The following FAM216B variants were observed in gnomAD, a reference collection of about 807,000 sequenced individuals.
FAM216B encodes the protein protein FAM216B.
Under a neutral mutation model 12.9 loss-of-function variants are expected in FAM216B, and 11 were observed. The observed-to-expected ratio is 0.86, with a 90% CI of 0.54 to 1.42. FAM216B has a LOEUF of 1.42. Among genes scored for constraint, FAM216B ranks in the 40% most tolerant of loss-of-function variants. The pLI is 0.00. For synonymous variants in FAM216B, 52 were observed against 57.2 expected (o/e 0.91, Z 0.41); for missense variants, 167 against 162.9 (o/e 1.02, Z -0.14).
chr13:42,784,906 A>T (rs1308820063), intron 2 of FAM216B, among the ~76,000 whole-genome samples: 1 of 152,062 alleles, frequency 6.6e-6, no homozygotes, highest in Non-Finnish European at 1.5e-5. Flanking sequence ...TCAAGGAAGG[A>T]TCAACAACAA....
Position 42,790,833 on chromosome 13 carries a change from T to A in FAM216B, c.*2043T>A, listed in dbSNP as rs1874289050. The A allele has an allele frequency of 6.6e-6, 1 of 152,228 alleles. No individual in the cohort carries two copies. Among genetic ancestry groups the A allele is most frequent in the Non-Finnish European group, 1.5e-5 (1 of 68,028 alleles). 9.4% of individuals were successfully genotyped at this position (152,228 alleles called of 1,614,324 possible). On this transcript the variant is annotated 3_prime_UTR_variant, in exon 4 of 4. Transcript: ENST00000313851. ...TGTTTCACCTGAAATTGCTAGCACC[T>A]AGAATGGCCCCCGGTTGCGGTAGGC...
chr13:42,788,703 C>A lies in FAM216B; in HGVS notation c.333C>A (p.Ala111=), dbSNP rs771532738. The change falls in exon 4 of 4, where the codon GCC becomes GCA. Residue 111 remains alanine, a synonymous_variant. Transcript: ENST00000313851. ...PQRTIPRKTS[A]MTRRCPSVLP... is the part of the protein sequence containing the mutation. ...GAACCATTCCCCGGAAAACTTCAGC[C>A]ATGACAAGAAGATGTCCATCAGTAC... 6.2e-7 allele frequency: 1 copy of A among 1,613,920 alleles called. No homozygotes were observed. Among genetic ancestry groups the A allele is most frequent in the Non-Finnish European group, 8.5e-7 (1 of 1,179,860 alleles).
rs944364327 is a variant in FAM216B at position 42,789,693 on chromosome 13, T to C, written c.*903T>C. The C allele has an allele frequency of 2.0e-5, 3 of 151,632 alleles. No homozygotes were observed. The highest frequency in any genetic ancestry group is 4.9e-5 in the African/African-American group (2 of 41,168). 9.4% of individuals were successfully genotyped at this position (151,632 alleles called of 1,614,324 possible). A position where few individuals can be genotyped will look rare whatever the true frequency, so the allele number is the denominator to read the frequency against. ...GTTAAAAATCAGTCACCAGTGCTCA[T>C]GTAAAGTCAAAACAAAAAAATGCTT... is the stretch of plus-strand genomic sequence containing the variant. On this transcript the variant is annotated 3_prime_UTR_variant, in exon 4 of 4. Transcript: ENST00000313851.
Position 42,786,789 on chromosome 13 carries a change from C to T in FAM216B, c.126C>T (p.Tyr42=). 6.2e-7 allele frequency: 1 copy of T among 1,614,026 alleles called. No homozygotes were observed. Among genetic ancestry groups the T allele is most frequent in the Non-Finnish European group, 8.5e-7 (1 of 1,179,954 alleles). ...LKALNQGQQR[Y]FYSIMRIYNS... ...CCCTCAACCAAGGGCAACAGCGCTA[C>T]TTTTACAGCATTATGAGGATTTACA... The change falls in exon 3 of 4, where the codon TAC becomes TAT. Residue 42 remains tyrosine, a synonymous_variant. Transcript: ENST00000313851.
rs202087551 is a variant in FAM216B at position 42,786,866 on chromosome 13, A to G, written c.203A>G (p.Gln68Arg). The change falls in exon 3 of 4, where the codon CAG (glutamine) becomes CGG (arginine). Residue 68 changes from glutamine to arginine, a missense_variant. Coordinates refer to ENST00000313851, the MANE Select transcript of FAM216B (RefSeq NM_001318932.2). ...CAGACCCGCTACATTCACAGCCTTC[A>G]GCACCAACAGCTGCTTGGTAAGTTT... ...ALQTRYIHSLQHQQLLGYITQ... is the reference protein window; with the variant it reads ...ALQTRYIHSLRHQQLLGYITQ... 1.5e-5 allele frequency: 24 copies of G among 1,613,968 alleles called. No homozygotes were observed. Among genetic ancestry groups the G allele is most frequent in the Non-Finnish European group, 1.9e-5 (23 of 1,179,872 alleles).
In FAM216B at chr13:42,789,816, T is replaced by G. The variant is rs1874251488; in HGVS notation, c.*1026T>G. ...GAATATAAATTTTATTGACAAGGGA[T>G]GTGCTAACATTGATCTGAAAGGAAT... On this transcript the variant is annotated 3_prime_UTR_variant, in exon 4 of 4. Coordinates refer to ENST00000313851, the MANE Select transcript of FAM216B (RefSeq NM_001318932.2). 1 of 152,186 alleles carries G rather than the reference T, an allele frequency of 6.6e-6. No homozygotes were observed. Among genetic ancestry groups the G allele is most frequent in the Admixed American group, 6.5e-5 (1 of 15,278 alleles). 9.4% of individuals were successfully genotyped at this position (152,186 alleles called of 1,614,324 possible). A position where few individuals can be genotyped will look rare whatever the true frequency, so the allele number is the denominator to read the frequency against.
In FAM216B at chr13:42,790,620, G is replaced by A. The variant is rs1333031716; in HGVS notation, c.*1830G>A. ...CTTGAAACTTAAAGAAATGTGATTG[G>A]TTATGGTGCTGGGAGAAAGGGGTGC... On this transcript the variant is annotated 3_prime_UTR_variant, in exon 4 of 4. Transcript: ENST00000313851. 6.6e-6 allele frequency: 1 copy of A among 152,104 alleles called. No individual in the cohort carries two copies. The highest frequency in any genetic ancestry group is 2.4e-5 in the African/African-American group (1 of 41,406). The allele number at this position is 152,104 out of a possible 1,614,324, so 9.4% of individuals were successfully genotyped here.
intron 3 of FAM216B, among the ~76,000 whole-genome samples, chr13:42,787,493 C>T (rs751230712): frequency 6.6e-6 from 1 of 152,200 alleles, no homozygotes; most frequent in Non-Finnish European, 1.5e-5. Context: ...CTTTCAACCT[C>T]TTTAGATTTT....
intron 3 of FAM216B, among the ~76,000 whole-genome samples, chr13:42,787,857 A>G (rs1352517164): frequency 2.6e-5 from 4 of 152,236 alleles, no homozygotes; most frequent in African/African-American, 7.2e-5. Flanking sequence ...TTAACACTCA[A>G]ACACCTGTAT....
rs1873857271 is a variant in FAM216B at position 42,781,588 on chromosome 13, T to C, written c.-91T>C. On this transcript the variant is annotated 5_prime_UTR_variant, in exon 1 of 4. Coordinates refer to ENST00000313851, the MANE Select transcript of FAM216B (RefSeq NM_001318932.2). ...CAGACTTCCACCACCACCACCAGCA[T>C]ATAAACAGAGTCCGCGTAAGAAAAC... 6.6e-6 allele frequency: 1 copy of C among 152,192 alleles called. No individual in the cohort carries two copies. The highest frequency in any genetic ancestry group is 1.5e-5 in the Non-Finnish European group (1 of 68,036). The allele number at this position is 152,192 out of a possible 1,614,324, so 9.4% of individuals were successfully genotyped here.
rs1438478626 is a variant in FAM216B, at chr13:42,790,449, G to A, written c.*1659G>A. 3 of 152,070 alleles carry A rather than the reference G, an allele frequency of 2.0e-5. No homozygotes were observed. Among genetic ancestry groups the A allele is most frequent in the Non-Finnish European group, 4.4e-5 (3 of 68,008 alleles). The allele number at this position is 152,070 out of a possible 1,614,324, so 9.4% of individuals were successfully genotyped here. ...GTATCAAAAATCTCAGAAGCACCTTGCATCTGATAGAGGCTTGTAAGAGCA... is the reference window on the plus strand; with the variant it reads ...GTATCAAAAATCTCAGAAGCACCTTACATCTGATAGAGGCTTGTAAGAGCA... On this transcript the variant is annotated 3_prime_UTR_variant, in exon 4 of 4. Transcript: ENST00000313851.
In FAM216B at chr13:42,789,563, TGA is replaced by T. The variant is rs1444724232; in HGVS notation, c.*775_*776del. 3 of 152,158 alleles carry T rather than the reference TGA, an allele frequency of 2.0e-5. No homozygotes were observed. The highest frequency in any genetic ancestry group is 6.6e-5 in the Admixed American group (1 of 15,264). The allele number at this position is 152,158 out of a possible 1,614,324, so 9.4% of individuals were successfully genotyped here. On this transcript the variant is annotated 3_prime_UTR_variant, in exon 4 of 4. Coordinates refer to ENST00000313851, the MANE Select transcript of FAM216B (RefSeq NM_001318932.2). ...AAGCACATAAAACTATACTAAGCAGTGAGTCAGTTCATCATACAAAGGCATAG... is the reference window on the plus strand; with the variant it reads ...AAGCACATAAAACTATACTAAGCAGTGTCAGTTCATCATACAAAGGCATAG...
chr13:42,784,882 TC>T (rs996884745), intron 2 of FAM216B, among the ~76,000 whole-genome samples: 1 of 151,592 alleles, frequency 6.6e-6, no homozygotes, highest in Non-Finnish European at 1.5e-5. Flanking sequence ...AATTTTCAGT[TC>T]TCTCCCAAAC....
At position 42,788,719 on chromosome 13, in the gene FAM216B, CCATCAGTA is replaced by C; in HGVS notation, c.351_358del (p.Ser118ThrfsTer8). ...AACTTCAGCCATGACAAGAAGATGTCCATCAGTACTACCTGTATCTGTGGTTCTACCTA... is the reference window on the plus strand; with the variant it reads ...AACTTCAGCCATGACAAGAAGATGTCCTACCTGTATCTGTGGTTCTACCTA... On this transcript the variant is annotated frameshift_variant, in exon 4 of 4. Transcript: ENST00000313851. LOFTEE classifies it low-confidence loss of function (END_TRUNC). 1.2e-6 allele frequency: 2 copies of C among 1,613,852 alleles called. No homozygotes were observed. Among genetic ancestry groups the C allele is most frequent in the East Asian group, 4.5e-5 (2 of 44,866 alleles).
intron 1 of FAM216B, among the ~76,000 whole-genome samples, chr13:42,783,080 T>G (rs1944135847): frequency 6.6e-6 from 1 of 151,912 alleles, no homozygotes; most frequent in South Asian, 2.1e-4. Flanking sequence ...GAGCCTGAGG[T>G]GCAGGATAAC....
rs1433064944 is a variant in FAM216B, at chr13:42,788,934, T to G, written c.*144T>G. ...AAAATAATCTCTGATTCATATAAAT[T>G]TTGCCAGCAAGACCAAGAGGTTTAA... On this transcript the variant is annotated 3_prime_UTR_variant, in exon 4 of 4. Transcript: ENST00000313851. The G allele has an allele frequency of 1.1e-6, 1 of 898,944 alleles. No individual in the cohort carries two copies. The highest frequency in any genetic ancestry group is 1.7e-5 in the African/African-American group (1 of 59,366). 55.7% of individuals were successfully genotyped at this position (898,944 alleles called of 1,614,324 possible).
At chr13:42,786,553 A>G (rs1874094869) in intron 2 of FAM216B, among the ~76,000 whole-genome samples, 1 of 152,122 alleles carries the variant, frequency 6.6e-6, no homozygotes, top group Non-Finnish European at 1.5e-5. Context: ...ACATATTTTC[A>G]TCATCATACA....
chr13:42,786,312 C>T (rs535710390), intron 2 of FAM216B, among the ~76,000 whole-genome samples: 8 of 150,830 alleles, frequency 5.3e-5, no homozygotes, highest in Non-Finnish European at 1.0e-4. Flanking sequence ...TTCATGGCAC[C>T]TTTTTACTAA....
At position 42,782,172 on chromosome 13, in the gene FAM216B, C is replaced by G. The variant is rs184213499; in HGVS notation, c.-15+508C>G. 6.6e-5 allele frequency among the ~76,000 whole-genome samples: 10 copies of G among 152,278 alleles called. No homozygotes were observed. In the East Asian group the frequency reaches 1.9e-3, roughly 29 times the overall value. ...AAATTTCTCTTCTGGAAGAATGGAACCTTCGATGTGTGAACTCAAATCAGT... is the reference window on the plus strand; with the variant it reads ...AAATTTCTCTTCTGGAAGAATGGAAGCTTCGATGTGTGAACTCAAATCAGT... On this transcript the variant is annotated intron_variant, in intron 1 of 3. Transcript: ENST00000313851.
Sources: allele counts gnomAD v4.1 joint callset (sites outside exome capture counted in the v4.1 genomes callset), GRCh38; gene constraint gnomAD v4.1.1; transcripts MANE v1.5; gene names NCBI Gene and HGNC (gene_info 2026-07-23, HGNC 2026-07-21).